Variants in POU2F3 observed in about 807,000 individuals in gnomAD.
POU2F3 encodes the protein POU domain, class 2, transcription factor 3.
A neutral mutation model predicts 59.2 loss-of-function variants in POU2F3; 23 were observed. That is an observed-to-expected ratio of 0.39 (90% CI 0.28 to 0.55). The LOEUF is 0.55. Among genes scored for constraint, POU2F3 ranks in the 20% least tolerant of loss-of-function variants. The pLI is 0.66. For missense variants in POU2F3, 473 were observed against 544.5 expected (o/e 0.87, Z 1.31); for synonymous variants, 190 against 214.6 (o/e 0.89, Z 1.00).
chr11:120,293,050 G>A (rs914878316), intron 3 of POU2F3, among the ~76,000 whole-genome samples: 5 of 152,176 alleles, frequency 3.3e-5, no homozygotes, highest in African/African-American at 7.2e-5. Context: ...TTTGGAAAGC[G>A]TCTTTTCAGC....
At chr11:120,238,827 TAAAAAAAAAAAAAA>T (rs56948018), upstream of POU2F3, among the ~76,000 whole-genome samples, 2 of 48,362 alleles carry the variant, frequency 4.1e-5, no homozygotes, top group East Asian at 6.9e-4. Flanking sequence ...AGACTCTGTC[TAAAAAAAAAAAAAA>T]AAAAAAAAAA....
At chr11:120,296,797 T>C (rs1257948186) in intron 3 of POU2F3, among the ~76,000 whole-genome samples, 4 of 152,234 alleles carry the variant, frequency 2.6e-5, no homozygotes, top group Admixed American at 6.5e-5. Context: ...CAGTCTATCA[T>C]TGACTGGCAT....
chr11:120,287,728 A>G (rs1455403113), intron 3 of POU2F3, among the ~76,000 whole-genome samples: 1 of 152,168 alleles, frequency 6.6e-6, no homozygotes, highest in East Asian at 1.9e-4. Context: ...GTGTAACAGG[A>G]TAGGCACTTA....
At chr11:120,259,694 G>C (rs1939511031) in intron 2 of POU2F3, among the ~76,000 whole-genome samples, 1 of 152,110 alleles carries the variant, frequency 6.6e-6, no homozygotes, top group Non-Finnish European at 1.5e-5. Context: ...GCAACTTTTT[G>C]TTTTAATATA....
At position 120,264,922 on chromosome 11, in the gene POU2F3, G is replaced by A. The variant is rs138354765; in HGVS notation, c.98-4288G>A. 2.1e-3 allele frequency among the ~76,000 whole-genome samples: 314 copies of A among 152,264 alleles called. 1 individual carries two copies. The highest frequency in any genetic ancestry group is 7.3e-3 in the African/African-American group (303 of 41,546). ...ATCATTGCATCTCTTCCTTTCTCTG[G>A]GAAAGAGGAGTACCTTCAGTACTGT... On this transcript the variant is annotated intron_variant, in intron 2 of 12. Transcript: ENST00000543440.
intron 2 of POU2F3, among the ~76,000 whole-genome samples, chr11:120,250,589 A>T (rs954491442): frequency 1.6e-4 from 24 of 152,332 alleles, no homozygotes; most frequent in African/African-American, 5.3e-4. Context: ...GAATGACAGA[A>T]CTAAGCCTGA....
intron 3 of POU2F3, among the ~76,000 whole-genome samples, chr11:120,291,813 CT>C (rs11330526): frequency 0.39 from 54,828 of 141,092 alleles, 11,598 homozygotes; most frequent in East Asian, 0.83. Context: ...TTTCTTTTTT[CT>C]TTTTTTTTTT....
At chr11:120,286,072 A>G (rs1207648836) in intron 3 of POU2F3, among the ~76,000 whole-genome samples, 2 of 151,502 alleles carry the variant, frequency 1.3e-5, no homozygotes, top group African/African-American at 4.9e-5. Flanking sequence ...TTTAATAGAG[A>G]TGGGGTTTTG....
chr11:120,300,662 G>A (rs61898318), intron 5 of POU2F3, among the ~76,000 whole-genome samples: 10,816 of 152,188 alleles, frequency 0.071, 510 homozygotes, highest in South Asian at 0.13. Flanking sequence ...TACTCAGGAG[G>A]TTGAGGCAAG....
chr11:120,307,383 A>G (rs1025327149), intron 8 of POU2F3, 96 bp from the exon 9 acceptor site: 1 of 1,421,272 alleles, frequency 7.0e-7, no homozygotes, highest in African/African-American at 1.4e-5. Context: ...GCCACTGCAG[A>G]GCCCATCGGG....
chr11:120,315,528 C>A, intron 11 of POU2F3, 101 bp downstream of exon 11: 1 of 1,092,300 alleles, frequency 9.2e-7, no homozygotes, highest in Non-Finnish European at 1.4e-6. Context: ...TCCCTAAATG[C>A]ATTTCAAAGG....
At chr11:120,272,646 C>T (rs936463931) in intron 3 of POU2F3, among the ~76,000 whole-genome samples, 8 of 152,170 alleles carry the variant, frequency 5.3e-5, no homozygotes, top group Admixed American at 3.3e-4. Context: ...GCATGAGCAA[C>T]GAATGCTCAT....
chr11:120,256,904 C>G (rs988362131), intron 2 of POU2F3: 2 of 152,194 alleles, frequency 1.3e-5, no homozygotes, highest in Middle Eastern at 3.2e-3. Flanking sequence ...TGCTGGTAGA[C>G]AGATGTGGGT....
At chr11:120,276,080 G>A (rs1940305760) in intron 3 of POU2F3, among the ~76,000 whole-genome samples, 1 of 152,218 alleles carries the variant, frequency 6.6e-6, no homozygotes, top group Admixed American at 6.5e-5. Flanking sequence ...AGGGGCAGCA[G>A]TGCCAGGCCC....
chr11:120,278,882 T>C (rs926161710), intron 3 of POU2F3, among the ~76,000 whole-genome samples: 1 of 152,194 alleles, frequency 6.6e-6, no homozygotes, highest in African/African-American at 2.4e-5. Context: ...CTGCACATTC[T>C]GCACATGTAT....
chr11:120,263,939 A>T (rs1459841039), intron 2 of POU2F3, among the ~76,000 whole-genome samples: 10 of 152,220 alleles, frequency 6.6e-5, no homozygotes, highest in African/African-American at 2.2e-4. Context: ...TAAACATATG[A>T]TCCTTCAGTA....
At chr11:120,275,772 C>T (rs778184834) in intron 3 of POU2F3, among the ~76,000 whole-genome samples, 2 of 152,200 alleles carry the variant, frequency 1.3e-5, no homozygotes, top group Non-Finnish European at 2.9e-5. Flanking sequence ...CTCACCTGCA[C>T]CAATGGCTCT....
intron 10 of POU2F3, among the ~76,000 whole-genome samples, chr11:120,312,523 A>T (rs562120338): frequency 6.6e-6 from 1 of 152,234 alleles, no homozygotes; most frequent in African/African-American, 2.4e-5. Context: ...AGAGGGGCTG[A>T]TGAGTGTGGG....
intron 10 of POU2F3, among the ~76,000 whole-genome samples, chr11:120,312,982 G>A (rs1374342012): frequency 6.6e-6 from 1 of 152,150 alleles, no homozygotes; most frequent in Admixed American, 6.6e-5. Context: ...TGATGGTGGG[G>A]TGGGGTAGGA....
Sources: gnomAD v4.1 joint callset for allele counts (sites outside exome capture counted in the v4.1 genomes callset) on GRCh38, gnomAD v4.1.1 for gene constraint, MANE v1.5 for transcripts, NCBI Gene and HGNC (gene_info 2026-07-23, HGNC 2026-07-21) for gene names.